CARMIL1: variants seen among roughly 807,000 people sequenced by gnomAD.
The protein encoded by CARMIL1 is F-actin-uncapping protein LRRC16A.
A neutral mutation model predicts 177.1 loss-of-function variants in CARMIL1; 90 were observed. That is an observed-to-expected ratio of 0.51 (90% CI 0.43 to 0.61). The LOEUF is 0.61. Ranked by LOEUF, CARMIL1 falls within the 20% of genes least tolerant of loss-of-function variation. The pLI, the probability that CARMIL1 is intolerant of heterozygous loss-of-function variation, is 0.00. For missense variants in CARMIL1, 1,380 were observed against 1,667.0 expected (o/e 0.83, Z 3.00); for synonymous variants, 577 against 606.2 (o/e 0.95, Z 0.71).
At chr6:25,344,310 T>C (rs1787275681) in intron 2 of CARMIL1, among the ~76,000 whole-genome samples, 2 of 152,252 alleles carry the variant, frequency 1.3e-5, no homozygotes, top group Middle Eastern at 6.8e-3. Flanking sequence ...ACTCACCCCA[T>C]GTCCTCACTT....
At chr6:25,373,486 G>A (rs1447343351) in intron 2 of CARMIL1, among the ~76,000 whole-genome samples, 1 of 147,588 alleles carries the variant, frequency 6.8e-6, no homozygotes, top group Non-Finnish European at 1.5e-5. Context: ...TCCATTTCCT[G>A]TAGATTTTCT....
rs146501684 is a variant in CARMIL1, at chr6:25,494,802, C to T, written c.1221-309C>T. ...AATTGGTGAGAAATATACATCTTCTCTGACCTCCTATTTTTAAAAATTCCA... is the reference window on the plus strand; with the variant it reads ...AATTGGTGAGAAATATACATCTTCTTTGACCTCCTATTTTTAAAAATTCCA... On this transcript the variant is annotated intron_variant, in intron 15 of 36. Coordinates refer to ENST00000329474, the MANE Select transcript of CARMIL1 (RefSeq NM_017640.6). Among the ~76,000 whole-genome samples the T allele has an allele frequency of 5.3e-3, 809 of 152,336 alleles. 8 individuals carry two copies. Among genetic ancestry groups the T allele is most frequent in the African/African-American group, 0.018 (744 of 41,568 alleles).
chr6:25,515,763 C>A lies in CARMIL1; in HGVS notation c.1721C>A (p.Thr574Asn), dbSNP rs1301957477. The A allele has an allele frequency of 6.2e-7, 1 of 1,611,900 alleles. No individual in the cohort carries two copies. The highest frequency in any genetic ancestry group is 8.5e-7 in the Non-Finnish European group (1 of 1,179,172). ...INALGSNTSL[T>N]KVDISGNGMG... Reference sequence around the variant, plus strand: ...GCCCTGGGAAGCAACACCTCCCTGACCAAAGTGGACATTAGCGGCAACGGA... The same window carrying A: ...GCCCTGGGAAGCAACACCTCCCTGAACAAAGTGGACATTAGCGGCAACGGA... The change falls in exon 21 of 37, where the codon ACC becomes AAC. Residue 574 changes from threonine to asparagine, a missense_variant. Coordinates refer to ENST00000329474, the MANE Select transcript of CARMIL1 (RefSeq NM_017640.6). The surrounding 1 kb of genome is among the most constrained non-coding windows in gnomAD (Gnocchi z 5.0).
chr6:25,581,089 A>C, intron 30 of CARMIL1, 99 bp downstream of exon 30: 1 of 1,292,444 alleles, frequency 7.7e-7, no homozygotes, highest in Non-Finnish European at 1.1e-6. Flanking sequence ...GATGCACTAC[A>C]TGGGTAAATA....
At chr6:25,300,829 A>T (rs979458797) in intron 2 of CARMIL1, among the ~76,000 whole-genome samples, 2 of 152,260 alleles carry the variant, frequency 1.3e-5, no homozygotes, top group African/African-American at 4.8e-5. Context: ...GTAACTAAGT[A>T]TATTACTAAG....
intron 2 of CARMIL1, among the ~76,000 whole-genome samples, chr6:25,328,870 A>G (rs534536270): frequency 1.6e-4 from 24 of 152,242 alleles, no homozygotes; most frequent in Non-Finnish European, 3.1e-4. Flanking sequence ...TTGGTGAGCT[A>G]GACAAAACTT....
intron 1 of CARMIL1, among the ~76,000 whole-genome samples, chr6:25,283,386 G>A (rs554784917): frequency 6.6e-6 from 1 of 152,302 alleles, no homozygotes; most frequent in African/African-American, 2.4e-5. Context: ...CCTTACTGCA[G>A]TCATGCCTAG....
intron 27 of CARMIL1, among the ~76,000 whole-genome samples, chr6:25,551,947 G>A (rs963146989): frequency 1.8e-4 from 28 of 152,052 alleles, no homozygotes; most frequent in Non-Finnish European, 2.9e-5. Context: ...TTATATTATC[G>A]TTAACTAGAT....
chr6:25,376,457 T>TA (rs1296782772), intron 2 of CARMIL1, among the ~76,000 whole-genome samples: 8 of 152,242 alleles, frequency 5.3e-5, no homozygotes, highest in Admixed American at 3.9e-4. Flanking sequence ...TGATTTGACT[T>TA]AAAAATTTTT....
intron 29 of CARMIL1, among the ~76,000 whole-genome samples, chr6:25,559,455 A>C (rs1810921942): frequency 6.6e-6 from 1 of 152,208 alleles, no homozygotes; most frequent in Admixed American, 6.5e-5. Flanking sequence ...TTAGGACTCA[A>C]GATTAACTGT....
intron 2 of CARMIL1, among the ~76,000 whole-genome samples, chr6:25,354,741 A>C (rs2150369760): frequency 6.6e-6 from 1 of 152,338 alleles, no homozygotes; most frequent in East Asian, 1.9e-4. Flanking sequence ...GTTGGGAAGG[A>C]ATTAAGCCCA....
At chr6:25,394,931 C>T (rs1793230943) in intron 2 of CARMIL1, among the ~76,000 whole-genome samples, 1 of 152,122 alleles carries the variant, frequency 6.6e-6, no homozygotes, top group Admixed American at 6.5e-5. Context: ...GAAATACACC[C>T]AGGAAACCTT....
chr6:25,433,826 CTCA>C (rs1797011388), intron 4 of CARMIL1, among the ~76,000 whole-genome samples: 1 of 152,144 alleles, frequency 6.6e-6, no homozygotes, highest in Non-Finnish European at 1.5e-5. Flanking sequence ...TTTCTTTGAT[CTCA>C]TCATTTTGAC....
chr6:25,287,792 G>A (rs1781633029), intron 2 of CARMIL1, among the ~76,000 whole-genome samples: 1 of 152,162 alleles, frequency 6.6e-6, no homozygotes, highest in Non-Finnish European at 1.5e-5. Flanking sequence ...TGCCTTTGTG[G>A]TCAAAAAGAA....
chr6:25,345,529 A>G (rs1787416794), intron 2 of CARMIL1, among the ~76,000 whole-genome samples: 1 of 152,034 alleles, frequency 6.6e-6, no homozygotes, highest in Non-Finnish European at 1.5e-5. Context: ...CCCAATCTCC[A>G]ATCTGCTTCC....
chr6:25,366,577 G>T (rs1343755984), intron 2 of CARMIL1, among the ~76,000 whole-genome samples: 1 of 151,168 alleles, frequency 6.6e-6, no homozygotes, highest in Non-Finnish European at 1.5e-5. Context: ...TGAAGGCAGG[G>T]ATTTTTGCCT....
intron 25 of CARMIL1, among the ~76,000 whole-genome samples, chr6:25,539,415 GTGT>G (rs1443900375): frequency 6.6e-6 from 1 of 151,970 alleles, no homozygotes; most frequent in Admixed American, 6.6e-5. Flanking sequence ...GGTGACAGAA[GTGT>G]TGTGAGTAAA....
chr6:25,342,855 C>G (rs929510936), intron 2 of CARMIL1, among the ~76,000 whole-genome samples: 9 of 152,120 alleles, frequency 5.9e-5, no homozygotes, highest in African/African-American at 1.9e-4. Context: ...GAAAAAGATG[C>G]CTTCTACCTT....
chr6:25,521,722 TC>T (rs1282583709), intron 23 of CARMIL1, among the ~76,000 whole-genome samples: 2 of 140,954 alleles, frequency 1.4e-5, no homozygotes, highest in Admixed American at 7.5e-5. Flanking sequence ...TGAGCTGAGA[TC>T]CATGCCACTG....
Sources: gnomAD v4.1 joint callset for allele counts (sites outside exome capture counted in the v4.1 genomes callset) on GRCh38, gnomAD v4.1.1 for gene constraint, Gnocchi (gnomAD v3.1) non-coding constraint, MANE v1.5 for transcripts, NCBI Gene and HGNC (gene_info 2026-07-23, HGNC 2026-07-21) for gene names.